CDC42BPA: variants seen among roughly 807,000 people sequenced by gnomAD.
The protein encoded by CDC42BPA is CDC42 binding protein kinase alpha.
A neutral mutation model predicts 223.5 loss-of-function variants in CDC42BPA; 80 were observed. The ratio of observed to expected loss-of-function variants is 0.36; its 90% confidence interval spans 0.30 to 0.43. The LOEUF is 0.43. CDC42BPA is among the 20% of genes least tolerant of loss of function. The probability of loss-of-function intolerance (pLI) is 1.00; values close to 1 mark genes in which losing one functional copy is unlikely to be tolerated. For missense variants in CDC42BPA, 1,743 were observed against 2,099.9 expected (o/e 0.83, Z 3.32); for synonymous variants, 694 against 718.6 (o/e 0.97, Z 0.55).
intron 28 of CDC42BPA, 147 bp downstream of exon 28, chr1:227,031,151 C>T: frequency 1.5e-6 from 1 of 645,994 alleles, no homozygotes. Context: ...ATATAGGTCT[C>T]ATTCATTCAG....
intron 9 of CDC42BPA, among the ~76,000 whole-genome samples, chr1:227,141,633 G>A (rs554992834): frequency 2.0e-5 from 3 of 152,144 alleles, no homozygotes; most frequent in Admixed American, 6.5e-5. Context: ...GAGGATGACA[G>A]AGGTTTCAAA....
At chr1:227,037,171 T>G (rs1360884954) in intron 24 of CDC42BPA, among the ~76,000 whole-genome samples, 1 of 152,242 alleles carries the variant, frequency 6.6e-6, no homozygotes, top group Admixed American at 6.5e-5. Context: ...CATTACTGGC[T>G]AAGTTCCAAA....
At chr1:227,235,942 A>T (rs1471691898) in intron 2 of CDC42BPA, among the ~76,000 whole-genome samples, 1 of 152,214 alleles carries the variant, frequency 6.6e-6, no homozygotes, top group Non-Finnish European at 1.5e-5. Context: ...GAATAAGTTA[A>T]CAGGAGAGAT....
intron 12 of CDC42BPA, among the ~76,000 whole-genome samples, chr1:227,118,146 A>G (rs1688064544): frequency 6.6e-6 from 1 of 152,208 alleles, no homozygotes; most frequent in African/African-American, 2.4e-5. Flanking sequence ...CAGAAACTCT[A>G]CACTACTCGT....
rs1264401376 is a variant in CDC42BPA at position 227,316,925 on chromosome 1, T to C, written c.178+80A>G. 19 of 1,034,960 alleles carry C rather than the reference T, an allele frequency of 1.8e-5. No individual in the cohort carries two copies. In the Admixed American group the frequency reaches 4.1e-4, roughly 22 times the overall value. The allele number at this position is 1,034,960 out of a possible 1,614,324, so 64.1% of individuals were successfully genotyped here. Reference sequence around the variant, plus strand: ...TATTTTTTCTTTGAACGGAGTAGAGTTTACTCATAACTCTCTATACCAATT... The same window carrying C: ...TATTTTTTCTTTGAACGGAGTAGAGCTTACTCATAACTCTCTATACCAATT... On this transcript the variant is annotated intron_variant, in intron 1 of 36. Transcript: ENST00000366766.
Position 226,991,955 on chromosome 1 carries a change from G to C in CDC42BPA, c.*2313C>G, listed in dbSNP as rs1247849133. ...GAAGGCAAGGGGAAAGGGAAGAGGA[G>C]GATGGGGAGGGTGGGGATGGGGAGG... On this transcript the variant is annotated 3_prime_UTR_variant, in exon 37 of 37. Transcript: ENST00000366766. The C allele has an allele frequency of 6.9e-6, 1 of 144,954 alleles. No individual in the cohort carries two copies. Among genetic ancestry groups the C allele is most frequent in the Non-Finnish European group, 1.5e-5 (1 of 66,180 alleles). 9.0% of individuals were successfully genotyped at this position (144,954 alleles called of 1,614,324 possible).
At chr1:227,114,076 T>G (rs1239201621) in intron 12 of CDC42BPA, among the ~76,000 whole-genome samples, 1 of 147,248 alleles carries the variant, frequency 6.8e-6, no homozygotes, top group South Asian at 2.1e-4. Context: ...AAGACATGCA[T>G]CCATCACCAC....
chr1:227,269,173 G>A (rs1420127533), intron 1 of CDC42BPA, among the ~76,000 whole-genome samples: 2 of 152,158 alleles, frequency 1.3e-5, no homozygotes, highest in Non-Finnish European at 2.9e-5. Context: ...AAATAGGTGG[G>A]GCTATGTTCC....
At chr1:227,214,965 G>A (rs1217232560) in intron 2 of CDC42BPA, among the ~76,000 whole-genome samples, 1 of 151,970 alleles carries the variant, frequency 6.6e-6, no homozygotes, top group African/African-American at 2.4e-5. Flanking sequence ...AAGACAAAAG[G>A]TTTTCATAAC....
intron 11 of CDC42BPA, among the ~76,000 whole-genome samples, chr1:227,125,707 G>A (rs990766975): frequency 7.9e-5 from 12 of 151,560 alleles, no homozygotes; most frequent in Admixed American, 1.3e-4. Flanking sequence ...GAAACCACAC[G>A]GGGAACCTGG....
At chr1:227,315,065 C>T (rs11810471) in intron 1 of CDC42BPA, among the ~76,000 whole-genome samples, 46,692 of 151,822 alleles carry the variant, frequency 0.31, 7,363 homozygotes, top group East Asian at 0.37. Flanking sequence ...GACTGGCACT[C>T]TTAACCTAAA....
At chr1:227,039,091 A>T (rs901654233) in intron 24 of CDC42BPA, among the ~76,000 whole-genome samples, 14 of 152,146 alleles carry the variant, frequency 9.2e-5, no homozygotes. Context: ...GAGTGTTTCC[A>T]TGGGAAATCA....
chr1:227,179,782 G>GAA lies in CDC42BPA; in HGVS notation c.599+14002_599+14003dup, dbSNP rs5781474. Reference sequence around the variant, plus strand: ...TTTCCTCCAAAGGGCAAAAAAGTTTGAAAAAAAAAAAGTCTTAAGAAGTAG... The same window carrying GAA: ...TTTCCTCCAAAGGGCAAAAAAGTTTGAAAAAAAAAAAAAGTCTTAAGAAGTAG... On this transcript the variant is annotated intron_variant, in intron 5 of 36. Transcript: ENST00000366766. Among the ~76,000 whole-genome samples, 23 of 148,726 alleles carry GAA rather than the reference G, an allele frequency of 1.5e-4. No individual in the cohort carries two copies. In the South Asian group the frequency reaches 1.9e-3, roughly 12 times the overall value.
chr1:227,226,405 A>G (rs375128436), intron 2 of CDC42BPA, among the ~76,000 whole-genome samples: 1 of 152,214 alleles, frequency 6.6e-6, no homozygotes, highest in East Asian at 1.9e-4. Context: ...CCCAGAAGCA[A>G]AGAGAAGAGG....
chr1:227,129,668 A>C (rs1367281889), intron 10 of CDC42BPA, among the ~76,000 whole-genome samples: 1 of 53,392 alleles, frequency 1.9e-5, no homozygotes, highest in Non-Finnish European at 3.8e-5. Context: ...CTGTATCTCA[A>C]AAAAAAAAAA....
At chr1:227,276,015 A>C (rs1339686016) in intron 1 of CDC42BPA, among the ~76,000 whole-genome samples, 1 of 152,084 alleles carries the variant, frequency 6.6e-6, no homozygotes, top group Non-Finnish European at 1.5e-5. Flanking sequence ...GCCTCTGCCC[A>C]GCCGCCACCC....
At chr1:227,081,508 A>G (rs969470277) in intron 16 of CDC42BPA, among the ~76,000 whole-genome samples, 3 of 151,110 alleles carry the variant, frequency 2.0e-5, no homozygotes, top group African/African-American at 7.3e-5. Flanking sequence ...GCTAGAGTAC[A>G]ATGGCACATT....
At chr1:227,216,979 TATC>T (rs1178161978) in intron 2 of CDC42BPA, among the ~76,000 whole-genome samples, 1 of 152,206 alleles carries the variant, frequency 6.6e-6, no homozygotes, top group Non-Finnish European at 1.5e-5. Flanking sequence ...CACAATGTAT[TATC>T]ATTTGAAGCT....
chr1:227,202,461 C>T (rs6692080), intron 3 of CDC42BPA, among the ~76,000 whole-genome samples: 55,343 of 151,738 alleles, frequency 0.36, 10,225 homozygotes, highest in Middle Eastern at 0.39. Flanking sequence ...AATAGCAATC[C>T]GAAATTTTAT....
Sources: allele counts gnomAD v4.1 joint callset (sites outside exome capture counted in the v4.1 genomes callset), GRCh38; gene constraint gnomAD v4.1.1; transcripts MANE v1.5; gene names NCBI Gene and HGNC (gene_info 2026-07-23, HGNC 2026-07-21).